The following FYN variants were observed in gnomAD, a reference collection of about 807,000 sequenced individuals.
The protein encoded by FYN is tyrosine-protein kinase Fyn.
In FYN, 10 loss-of-function variants were observed where a neutral mutation model predicts 70.2. That is an observed-to-expected ratio of 0.14 (90% CI 0.09 to 0.24). The LOEUF is 0.24. FYN is among the 10% of genes least tolerant of loss of function. The pLI is 1.00. For synonymous variants in FYN, 236 were observed against 248.6 expected, an observed-to-expected ratio of 0.95 and a Z score of 0.48; for missense variants, 319 against 673.1, an observed-to-expected ratio of 0.47 and a Z score of 5.82.
chr6:111,694,321 T>G lies in FYN; in HGVS notation c.1273+54A>C, dbSNP rs1799480032. ...GAAGGAGGAAGGAAGGGCTGTGCAGTAAGTGACTGTTCTCACAGCTGTGAT... is the reference window on the plus strand; with the variant it reads ...GAAGGAGGAAGGAAGGGCTGTGCAGGAAGTGACTGTTCTCACAGCTGTGAT... On this transcript the variant is annotated intron_variant, in intron 12 of 13. Transcript: ENST00000354650. This position sits in a 1 kb window ranked among gnomAD's most constrained non-coding sequence, Gnocchi z 5.0. The G allele has an allele frequency of 6.3e-7, 1 of 1,596,206 alleles. No individual in the cohort carries two copies. The highest frequency in any genetic ancestry group is 1.3e-5 in the African/African-American group (1 of 74,568).
At chr6:111,723,834 T>C (rs1801065542) in intron 3 of FYN, among the ~76,000 whole-genome samples, 2 of 152,222 alleles carry the variant, frequency 1.3e-5, no homozygotes, top group South Asian at 2.1e-4. Flanking sequence ...TCACTTGCTA[T>C]AGATCTCTGG....
intron 5 of FYN, among the ~76,000 whole-genome samples, chr6:111,712,266 G>C (rs1285490980): frequency 6.6e-6 from 1 of 152,202 alleles, no homozygotes; most frequent in Non-Finnish European, 1.5e-5. Flanking sequence ...GCAGTTGAAA[G>C]TTTACAAATA....
chr6:111,767,278 A>T (rs1047810069), intron 3 of FYN, among the ~76,000 whole-genome samples: 8 of 152,232 alleles, frequency 5.3e-5, no homozygotes, highest in African/African-American at 1.7e-4. Flanking sequence ...AATTCCCTTA[A>T]TATATAAAAA....
chr6:111,837,176 T>C lies in FYN; in HGVS notation c.-82+9413A>G, dbSNP rs530647394. ...GTTTTATAAGTTACTTTATTTTCAA[T>C]ACCTAAGGGCTGTTTAAACTTTTTC... On this transcript the variant is annotated intron_variant, in intron 2 of 13. Transcript: ENST00000354650. 1.1e-4 allele frequency among the ~76,000 whole-genome samples: 16 copies of C among 152,346 alleles called. No homozygotes were observed. In the South Asian group the frequency reaches 3.3e-3, roughly 32 times the overall value.
chr6:111,707,758 GT>G (rs1800164613), intron 6 of FYN, among the ~76,000 whole-genome samples, 163 bp downstream of exon 6: 1 of 152,184 alleles, frequency 6.6e-6, no homozygotes, highest in Admixed American at 6.5e-5. Context: ...GTTAATAATA[GT>G]GCAAGTATTA....
intron 2 of FYN, among the ~76,000 whole-genome samples, chr6:111,830,503 C>A (rs928706971): frequency 2.4e-4 from 25 of 104,518 alleles, no homozygotes; most frequent in Non-Finnish European, 1.4e-4. Context: ...AGTGTGGTAG[C>A]ACAGTGCTGG....
Position 111,661,638 on chromosome 6 carries a change from G to C in FYN, c.*101C>G. ...CAGAGTCACATGCAATCTGATCCTGGGCGGTTCCGCTGCTGGGGAGCAGCT... is the reference window on the plus strand; with the variant it reads ...CAGAGTCACATGCAATCTGATCCTGCGCGGTTCCGCTGCTGGGGAGCAGCT... On this transcript the variant is annotated 3_prime_UTR_variant, in exon 14 of 14. Transcript: ENST00000354650. This position sits in a 1 kb window ranked among gnomAD's most constrained non-coding sequence, Gnocchi z 4.0. The C allele has an allele frequency of 1.8e-6, 2 of 1,098,964 alleles. No homozygotes were observed. The highest frequency in any genetic ancestry group is 2.7e-6 in the Non-Finnish European group (2 of 749,940). 68.1% of individuals were successfully genotyped at this position (1,098,964 alleles called of 1,614,324 possible).
intron 2 of FYN, among the ~76,000 whole-genome samples, chr6:111,825,822 G>A (rs1013105094): frequency 1.3e-5 from 2 of 151,988 alleles, no homozygotes; most frequent in Non-Finnish European, 2.9e-5. Flanking sequence ...GGAAAAAGAG[G>A]GACTTAAAGA....
intron 3 of FYN, among the ~76,000 whole-genome samples, chr6:111,775,793 C>G (rs759247824): frequency 1.3e-5 from 2 of 152,190 alleles, no homozygotes; most frequent in African/African-American, 2.4e-5. Context: ...GTTTAATGAG[C>G]TCTTAGGCCA....
At chr6:111,734,268 G>C (rs190570255) in intron 3 of FYN, among the ~76,000 whole-genome samples, 10 of 152,088 alleles carry the variant, frequency 6.6e-5, no homozygotes, top group African/African-American at 2.2e-4. Flanking sequence ...GAATTATGAG[G>C]ACTCATGGAA....
At chr6:111,835,990 C>T (rs1773173564) in intron 2 of FYN, among the ~76,000 whole-genome samples, 1 of 152,102 alleles carries the variant, frequency 6.6e-6, no homozygotes, top group Non-Finnish European at 1.5e-5. Flanking sequence ...TTTGGCTCCA[C>T]GAGGAGCAAG....
At chr6:111,837,829 C>G (rs1773236026) in intron 2 of FYN, among the ~76,000 whole-genome samples, 1 of 152,200 alleles carries the variant, frequency 6.6e-6, no homozygotes, top group Non-Finnish European at 1.5e-5. Flanking sequence ...TCATGTTCCA[C>G]CCTGAAACCA....
intron 2 of FYN, among the ~76,000 whole-genome samples, chr6:111,845,657 T>C (rs555953213): frequency 3.3e-5 from 5 of 152,236 alleles, no homozygotes; most frequent in African/African-American, 1.2e-4. Context: ...TAACCCCAAG[T>C]CATTCTCAGA....
At chr6:111,826,845 A>G (rs1415870912) in intron 2 of FYN, among the ~76,000 whole-genome samples, 2 of 152,222 alleles carry the variant, frequency 1.3e-5, no homozygotes, top group Non-Finnish European at 1.5e-5. Context: ...CAGGGACCCA[A>G]TAAACATTTG....
At chr6:111,848,671 G>A (rs1329780972) in intron 1 of FYN, among the ~76,000 whole-genome samples, 2 of 152,184 alleles carry the variant, frequency 1.3e-5, no homozygotes, top group East Asian at 1.9e-4. Context: ...TTTAGAGAGC[G>A]GCTCCACTGT....
rs148154058 is a variant in FYN at position 111,708,282 on chromosome 6, C to T, written c.345-262G>A. The T allele has an allele frequency of 3.0e-3, 1,136 of 374,786 alleles. 13 individuals are homozygous for T. Among genetic ancestry groups the T allele is most frequent in the East Asian group, 0.023 (498 of 22,028 alleles). The allele number at this position is 374,786 out of a possible 1,614,324, so 23.2% of individuals were successfully genotyped here. The stretch of plus-strand genomic sequence containing the variant: ...GTGGAATCCTGGCCATGAGAAGTCT[C>T]TCTTGGTAGGGGGCATTTTGCTTGG... On this transcript the variant is annotated intron_variant, in intron 5 of 13. Coordinates refer to ENST00000354650, the MANE Select transcript of FYN (RefSeq NM_002037.5).
intron 6 of FYN, among the ~76,000 whole-genome samples, chr6:111,706,282 G>C (rs1479954817): frequency 6.6e-6 from 1 of 152,196 alleles, no homozygotes; most frequent in African/African-American, 2.4e-5. Context: ...TGGAATCTGT[G>C]TGTGGGAACC....
chr6:111,683,982 CT>C (rs1172841755), intron 12 of FYN, among the ~76,000 whole-genome samples: 1 of 152,230 alleles, frequency 6.6e-6, no homozygotes, highest in African/African-American at 2.4e-5. Flanking sequence ...AGTAATACAA[CT>C]GGGTGTTTTC....
intron 12 of FYN, among the ~76,000 whole-genome samples, chr6:111,691,511 G>A (rs1294387049): frequency 1.3e-5 from 2 of 152,172 alleles, no homozygotes; most frequent in African/African-American, 2.4e-5. Context: ...CTGTCTGGAG[G>A]AGCTGATTAA....
Sources: gnomAD v4.1 joint callset for allele counts (sites outside exome capture counted in the v4.1 genomes callset) on GRCh38, gnomAD v4.1.1 for gene constraint, Gnocchi (gnomAD v3.1) non-coding constraint, MANE v1.5 for transcripts, NCBI Gene and HGNC (gene_info 2026-07-23, HGNC 2026-07-21) for gene names.